Variants in GUCY1B1 observed in about 807,000 individuals in gnomAD.
The protein encoded by GUCY1B1 is guanylate cyclase 1 soluble subunit beta 1.
In GUCY1B1, 43 loss-of-function variants were observed where a neutral mutation model predicts 71.0. That is an observed-to-expected ratio of 0.61 (90% CI 0.47 to 0.78). GUCY1B1 has a LOEUF of 0.78. GUCY1B1 is among the 30% of genes least tolerant of loss of function. The probability of loss-of-function intolerance (pLI) is 0.00; values close to 1 mark genes in which losing one functional copy is unlikely to be tolerated. For missense variants in GUCY1B1, 535 were observed against 754.1 expected (o/e 0.71, Z 3.40); for synonymous variants, 266 against 259.7 (o/e 1.02, Z -0.23).
chr4:155,775,041 T>C lies in GUCY1B1; in HGVS notation c.151T>C (p.Leu51=). Residue 51 remains leucine (L), a synonymous_variant, in exon 3 of 14, where the codon TTG becomes CTG. Coordinates refer to ENST00000264424, the MANE Select transcript of GUCY1B1 (RefSeq NM_000857.5). ...ATATGATGACTCCAAAACTTATGAT[T>C]TGGTTGCTGCTGCAAGCAAAGTCCT... ...IIYDDSKTYD[L]VAAASKVLNL... 6.2e-7 allele frequency: 1 copy of C among 1,603,056 alleles called. No individual in the cohort carries two copies.
intron 4 of GUCY1B1, among the ~76,000 whole-genome samples, chr4:155,782,671 T>C (rs1331430347): frequency 6.6e-6 from 1 of 152,212 alleles, no homozygotes; most frequent in East Asian, 1.9e-4. Flanking sequence ...TTTCCTTGAA[T>C]CTGGGTTGGC....
chr4:155,787,675 T>C (rs1349345814), intron 4 of GUCY1B1, among the ~76,000 whole-genome samples: 1 of 152,148 alleles, frequency 6.6e-6, no homozygotes, highest in African/African-American at 2.4e-5. Context: ...ACACAGTGTA[T>C]GATATATAAT....
At chr4:155,798,867 T>G (rs1004252012) in intron 8 of GUCY1B1, among the ~76,000 whole-genome samples, 5 of 152,180 alleles carry the variant, frequency 3.3e-5, no homozygotes, top group African/African-American at 1.2e-4. Flanking sequence ...AGATGGAGTC[T>G]CGCTCTGTCA....
chr4:155,767,732 C>T (rs1170742094), intron 2 of GUCY1B1, among the ~76,000 whole-genome samples: 1 of 152,064 alleles, frequency 6.6e-6, no homozygotes, highest in African/African-American at 2.4e-5. Context: ...AAGCCAGAGT[C>T]TCTCCTTTGG....
In GUCY1B1 at chr4:155,787,312, G is replaced by A. The variant is rs562304773; in HGVS notation, c.298-2402G>A. Reference sequence around the variant, plus strand: ...TTACATGGCAATAGCAGCCTCTAGAGGCAATCCGGATGAACTGATGTTTTT... The same window carrying A: ...TTACATGGCAATAGCAGCCTCTAGAAGCAATCCGGATGAACTGATGTTTTT... On this transcript the variant is annotated intron_variant, in intron 4 of 13. Transcript: ENST00000264424. 1.1e-4 allele frequency among the ~76,000 whole-genome samples: 16 copies of A among 152,284 alleles called. 2 individuals are homozygous for A. The East Asian group carries it at 3.1e-3, about 29-fold the overall frequency.
rs766437149 is a variant in GUCY1B1 at position 155,759,898 on chromosome 4, C to T, written c.77+38C>T. 7.3e-6 allele frequency: 11 copies of T among 1,511,886 alleles called. No individual in the cohort carries two copies. In the South Asian group the frequency reaches 1.2e-4, roughly 17 times the overall value. 93.7% of individuals were successfully genotyped at this position (1,511,886 alleles called of 1,614,324 possible). A position where few individuals can be genotyped will look rare whatever the true frequency, so the allele number is the denominator to read the frequency against. On this transcript the variant is annotated intron_variant, in intron 2 of 13. Transcript: ENST00000264424. Reference sequence around the variant, plus strand: ...CTACCCTGGCTGTGGCCCAGGTCGGCGCCCAGTGTGGGAGGCCCCCCGCGC... The same window carrying T: ...CTACCCTGGCTGTGGCCCAGGTCGGTGCCCAGTGTGGGAGGCCCCCCGCGC...
intron 6 of GUCY1B1, among the ~76,000 whole-genome samples, chr4:155,795,102 T>C (rs1408077450): frequency 6.6e-6 from 1 of 152,190 alleles, no homozygotes; most frequent in African/African-American, 2.4e-5. Context: ...CATTTGAATA[T>C]TAGTCATCTG....
At chr4:155,797,995 C>T (rs1027104139) in intron 8 of GUCY1B1, among the ~76,000 whole-genome samples, 24 of 152,042 alleles carry the variant, frequency 1.6e-4, no homozygotes, top group Non-Finnish European at 1.8e-4. Flanking sequence ...CTTCTTCTGC[C>T]TCTTCACAGG....
chr4:155,780,271 T>C (rs898849262), intron 4 of GUCY1B1, among the ~76,000 whole-genome samples: 6 of 152,184 alleles, frequency 3.9e-5, no homozygotes, highest in Non-Finnish European at 7.3e-5. Flanking sequence ...ATTTATCTTG[T>C]TCCCGCTATC....
intron 5 of GUCY1B1, among the ~76,000 whole-genome samples, 172 bp from the exon 6 acceptor site, chr4:155,793,684 C>G (rs1739337379): frequency 1.3e-5 from 2 of 152,068 alleles, no homozygotes; most frequent in African/African-American, 2.4e-5. Flanking sequence ...TTTTATAGAT[C>G]AAAGTCCAGA....
intron 6 of GUCY1B1, among the ~76,000 whole-genome samples, chr4:155,794,494 G>T (rs990977886): frequency 6.6e-6 from 1 of 152,184 alleles, no homozygotes; most frequent in Non-Finnish European, 1.5e-5. Flanking sequence ...ATTTTAAAAA[G>T]AACTAAAACA....
chr4:155,781,451 T>C (rs1738409542), intron 4 of GUCY1B1, among the ~76,000 whole-genome samples: 1 of 152,182 alleles, frequency 6.6e-6, no homozygotes, highest in Non-Finnish European at 1.5e-5. Context: ...TGACCCTGCT[T>C]ATGCAGTCTC....
At chr4:155,800,129 C>G in intron 9 of GUCY1B1, 55 bp downstream of exon 9, 1 of 1,233,038 alleles carries the variant, frequency 8.1e-7, no homozygotes, top group Non-Finnish European at 1.1e-6. Flanking sequence ...TGTGACTCTA[C>G]TATATTTAAG....
At chr4:155,788,927 A>G (rs367824228) in intron 4 of GUCY1B1, among the ~76,000 whole-genome samples, 2 of 152,036 alleles carry the variant, frequency 1.3e-5, no homozygotes, top group Admixed American at 6.6e-5. Flanking sequence ...GCCACATAAA[A>G]TGTATAGCTT....
Position 155,795,419 on chromosome 4 carries a change from C to A in GUCY1B1, c.805C>A (p.Leu269Ile). 1.9e-6 allele frequency: 3 copies of A among 1,591,886 alleles called. No individual in the cohort carries two copies. The highest frequency in any genetic ancestry group is 2.6e-6 in the Non-Finnish European group (3 of 1,160,448). The change falls in exon 7 of 14, where the codon CTT (leucine) becomes ATT (isoleucine). Residue 269 changes from leucine to isoleucine, a missense_variant. Transcript: ENST00000264424. Reference protein sequence around the residue: ...PHIDISFHGILSHINTVFVLR... With the variant: ...PHIDISFHGIISHINTVFVLR... ...TATTGATATTAGTTTCCATGGGATC[C>A]TTTCTCACATCAATACTGTTTTTGT...
rs546140136 is a variant in GUCY1B1 at position 155,774,850 on chromosome 4, A to C, written c.78-118A>C. The stretch of plus-strand genomic sequence containing the variant: ...TGATGATGTTTAAACAAATTTGCCC[A>C]AAAAAACCAAATTCTATTTCAGAGA... On this transcript the variant is annotated intron_variant, in intron 2 of 13. Transcript: ENST00000264424. 6.0e-5 allele frequency: 41 copies of C among 683,624 alleles called. No individual in the cohort carries two copies. The Admixed American group carries it at 9.3e-4, about 15-fold the overall frequency. The allele number at this position is 683,624 out of a possible 1,614,324, so 42.3% of individuals were successfully genotyped here. A position where few individuals can be genotyped will look rare whatever the true frequency, so the allele number is the denominator to read the frequency against.
At chr4:155,774,679 TTTA>T (rs1437391385) in intron 2 of GUCY1B1, among the ~76,000 whole-genome samples, 2 of 152,204 alleles carry the variant, frequency 1.3e-5, no homozygotes, top group Non-Finnish European at 2.9e-5. Context: ...AGTTATTTAA[TTTA>T]TTATATTTAA....
rs997479823 is a variant in GUCY1B1, at chr4:155,759,066, C to T, written c.-75C>T. 66 of 1,501,368 alleles carry T rather than the reference C, an allele frequency of 4.4e-5. No individual in the cohort carries two copies. Among genetic ancestry groups the T allele is most frequent in the Non-Finnish European group, 5.7e-5 (63 of 1,101,778 alleles). The allele number at this position is 1,501,368 out of a possible 1,614,324, so 93.0% of individuals were successfully genotyped here. A position where few individuals can be genotyped will look rare whatever the true frequency, so the allele number is the denominator to read the frequency against. On this transcript the variant is annotated 5_prime_UTR_variant, in exon 1 of 14. Transcript: ENST00000264424. ...CCCCGGCCCGGTTGCGCTGTAGCCG[C>T]TGCCGCCTCTGCCTGGGTCCCTTCG...
chr4:155,774,835 TA>T lies in GUCY1B1; in HGVS notation c.78-130del, dbSNP rs2111027077. 6.3e-6 allele frequency: 4 copies of T among 639,654 alleles called. 1 individual carries two copies. The highest frequency in any genetic ancestry group is 5.2e-5 in the South Asian group (3 of 58,150). The allele number at this position is 639,654 out of a possible 1,614,324, so 39.6% of individuals were successfully genotyped here. On this transcript the variant is annotated intron_variant, in intron 2 of 13. Coordinates refer to ENST00000264424, the MANE Select transcript of GUCY1B1 (RefSeq NM_000857.5). ...AGAATTTTAGGTACATGATGATGTT[TA>T]AACAAATTTGCCCAAAAAAACCAAA...
Sources: allele counts gnomAD v4.1 joint callset (sites outside exome capture counted in the v4.1 genomes callset), GRCh38; gene constraint gnomAD v4.1.1; transcripts MANE v1.5; gene names NCBI Gene and HGNC (gene_info 2026-07-23, HGNC 2026-07-21).